Variants in GRK5 observed in about 807,000 individuals in gnomAD.
GRK5 encodes G protein-coupled receptor kinase 5.
Under a neutral mutation model 78.4 loss-of-function variants are expected in GRK5, and 40 were observed. The observed-to-expected ratio is 0.51, with a 90% confidence interval of 0.40 to 0.66. The LOEUF is 0.66. Ranked by LOEUF, GRK5 falls within the 30% of genes least tolerant of loss-of-function variation. GRK5 has a pLI of 0.00. For missense variants in GRK5, 598 were observed against 759.9 expected (o/e 0.79, Z 2.50); for synonymous variants, 289 against 296.8 (o/e 0.97, Z 0.27).
intron 1 of GRK5, among the ~76,000 whole-genome samples, chr10:119,248,054 C>T (rs546274668): frequency 6.6e-6 from 1 of 152,320 alleles, no homozygotes; most frequent in South Asian, 2.1e-4. Context: ...GACAGGGTCT[C>T]AGGCTGGAGT....
chr10:119,283,633 A>G (rs1295514777), intron 1 of GRK5, among the ~76,000 whole-genome samples: 1 of 152,244 alleles, frequency 6.6e-6, no homozygotes, highest in Non-Finnish European at 1.5e-5. Context: ...GAGCTAGCTC[A>G]GACACCTGCC....
At chr10:119,365,663 C>T (rs1589766856) in intron 2 of GRK5, among the ~76,000 whole-genome samples, 1 of 152,320 alleles carries the variant, frequency 6.6e-6, no homozygotes. Flanking sequence ...AGACAAAAGC[C>T]TTCCCCTACC....
chr10:119,273,116 C>T (rs1228680683), intron 1 of GRK5, among the ~76,000 whole-genome samples: 1 of 152,190 alleles, frequency 6.6e-6, no homozygotes, highest in African/African-American at 2.4e-5. Flanking sequence ...ACCAGACCGG[C>T]GATGGCTTAA....
intron 1 of GRK5, among the ~76,000 whole-genome samples, chr10:119,216,154 C>T (rs1032539491): frequency 1.3e-5 from 2 of 152,208 alleles, no homozygotes; most frequent in Admixed American, 1.3e-4. Flanking sequence ...GTGTCCGAAG[C>T]AAGGGAGTCT....
intron 1 of GRK5, among the ~76,000 whole-genome samples, chr10:119,297,532 T>C (rs1275721316): frequency 6.6e-6 from 1 of 152,244 alleles, no homozygotes; most frequent in African/African-American, 2.4e-5. Flanking sequence ...ATTGCGATGA[T>C]ACTATGAAGT....
chr10:119,298,330 C>T (rs1336773468), intron 1 of GRK5, among the ~76,000 whole-genome samples: 3 of 152,150 alleles, frequency 2.0e-5, no homozygotes. Context: ...TTCAGGTTAA[C>T]AGGAAACAGA....
intron 1 of GRK5, among the ~76,000 whole-genome samples, chr10:119,233,159 G>A (rs1407279848): frequency 6.6e-6 from 1 of 152,184 alleles, no homozygotes; most frequent in Non-Finnish European, 1.5e-5. Context: ...AGAAATGTGG[G>A]AGCAGACGGT....
intron 3 of GRK5, among the ~76,000 whole-genome samples, chr10:119,396,490 C>A (rs2133853958): frequency 6.6e-6 from 1 of 152,338 alleles, no homozygotes; most frequent in East Asian, 1.9e-4. Flanking sequence ...TCCTGAGACC[C>A]AGCATCTGTG....
intron 1 of GRK5, among the ~76,000 whole-genome samples, chr10:119,228,202 G>A (rs552710286): frequency 3.8e-4 from 58 of 152,104 alleles, no homozygotes; most frequent in Non-Finnish European, 7.4e-4. Flanking sequence ...AAAATTAGCT[G>A]GGCATGGTGG....
intron 12 of GRK5, among the ~76,000 whole-genome samples, chr10:119,444,567 T>C (rs981467860): frequency 1.3e-5 from 2 of 152,126 alleles, no homozygotes; most frequent in African/African-American, 4.8e-5. Flanking sequence ...GCCCTCCTCC[T>C]TATGGTCCCC....
At chr10:119,222,845 C>T (rs895127196) in intron 1 of GRK5, among the ~76,000 whole-genome samples, 11 of 152,146 alleles carry the variant, frequency 7.2e-5, no homozygotes, top group African/African-American at 1.9e-4. Flanking sequence ...TCCTTCCTTC[C>T]GCAAAGAAGG....
At chr10:119,214,005 T>A (rs1030074889) in intron 1 of GRK5, among the ~76,000 whole-genome samples, 4 of 152,224 alleles carry the variant, frequency 2.6e-5, no homozygotes, top group African/African-American at 9.7e-5. Context: ...AGACAGAGTC[T>A]GCTCTGTCGC....
Position 119,431,308 on chromosome 10 carries a change from C to T in GRK5, c.598-79C>T, listed in dbSNP as rs555557988. The T allele has an allele frequency of 1.3e-6, 2 of 1,509,830 alleles. No individual in the cohort carries two copies. Among genetic ancestry groups the T allele is most frequent in the African/African-American group, 1.4e-5 (1 of 71,510 alleles). The allele number at this position is 1,509,830 out of a possible 1,614,324, so 93.5% of individuals were successfully genotyped here. A position where few individuals can be genotyped will look rare whatever the true frequency, so the allele number is the denominator to read the frequency against. ...CCCATCCATTCTCTACCTGGGAGGC[C>T]TGTGGTCCCCGCCCTGGAGGAGCTC... On this transcript the variant is annotated intron_variant, in intron 7 of 15. Coordinates refer to ENST00000392870, the MANE Select transcript of GRK5 (RefSeq NM_005308.3). This position sits in a 1 kb window ranked among gnomAD's most constrained non-coding sequence, Gnocchi z 4.8.
chr10:119,247,563 T>C (rs555977580), intron 1 of GRK5, among the ~76,000 whole-genome samples: 1 of 152,340 alleles, frequency 6.6e-6, no homozygotes, highest in African/African-American at 2.4e-5. Flanking sequence ...GTCATGCACA[T>C]GTTTAATAGC....
Position 119,445,524 on chromosome 10 carries a change from C to G in GRK5, c.1266+1772C>G, listed in dbSNP as rs1853127886. Among the ~76,000 whole-genome samples, 1 of 152,156 alleles carries G rather than the reference C, an allele frequency of 6.6e-6. No homozygotes were observed. The highest frequency in any genetic ancestry group is 2.4e-5 in the African/African-American group (1 of 41,442). ...GGGTGCTGCTGTCCCTCTGCTGCCC[C>G]CTGGTGGACACTGAGAGAAAGCCTG... On this transcript the variant is annotated intron_variant, in intron 12 of 15. Coordinates refer to ENST00000392870, the MANE Select transcript of GRK5 (RefSeq NM_005308.3). The surrounding 1 kb of genome is among the most constrained non-coding windows in gnomAD (Gnocchi z 4.1).
chr10:119,222,231 T>A (rs1455581001), intron 1 of GRK5, among the ~76,000 whole-genome samples: 1 of 152,166 alleles, frequency 6.6e-6, no homozygotes, highest in Non-Finnish European at 1.5e-5. Context: ...TGCTTCGTTT[T>A]TCGTGTTTGA....
At chr10:119,209,640 C>T (rs1463259446) in intron 1 of GRK5, among the ~76,000 whole-genome samples, 1 of 151,902 alleles carries the variant, frequency 6.6e-6, no homozygotes, top group Non-Finnish European at 1.5e-5. Flanking sequence ...GCCCCTCTTT[C>T]AGCCTTTGCA....
intron 8 of GRK5, among the ~76,000 whole-genome samples, chr10:119,432,306 G>GGGCC (rs1852836236): frequency 6.6e-6 from 1 of 152,138 alleles, no homozygotes; most frequent in Admixed American, 6.6e-5. Context: ...AATAAAGCTG[G>GGGCC]GTGCAGTGGT....
intron 1 of GRK5, among the ~76,000 whole-genome samples, chr10:119,220,626 G>A (rs1023908877): frequency 6.6e-6 from 1 of 152,064 alleles, no homozygotes; most frequent in African/African-American, 2.4e-5. Flanking sequence ...CCTGAGGTCA[G>A]GAGTTTGAGA....
Sources: allele counts gnomAD v4.1 joint callset (sites outside exome capture counted in the v4.1 genomes callset), GRCh38; gene constraint gnomAD v4.1.1; non-coding constraint Gnocchi (gnomAD v3.1); transcripts MANE v1.5; gene names NCBI Gene and HGNC (gene_info 2026-07-23, HGNC 2026-07-21).